Variants in GABRB1 observed in about 807,000 individuals in gnomAD.
GABRB1 encodes the protein gamma-aminobutyric acid receptor subunit beta-1.
Under a neutral mutation model 51.6 loss-of-function variants are expected in GABRB1, and 17 were observed. The ratio of observed to expected loss-of-function variants is 0.33; its 90% CI spans 0.23 to 0.49. GABRB1 has a LOEUF of 0.49. Ranked by LOEUF, GABRB1 falls within the 20% of genes least tolerant of loss-of-function variation. The probability of loss-of-function intolerance (pLI) is 0.99; values close to 1 mark genes in which losing one functional copy is unlikely to be tolerated. For synonymous variants in GABRB1, 247 were observed against 218.9 expected (o/e 1.13, Z -1.14); for missense variants, 410 against 600.6 (o/e 0.68, Z 3.32).
At chr4:47,296,066 T>G (rs947116351) in intron 4 of GABRB1, among the ~76,000 whole-genome samples, 2 of 152,008 alleles carry the variant, frequency 1.3e-5, no homozygotes, top group African/African-American at 4.8e-5. Flanking sequence ...GCTGAGAGAT[T>G]TTGTCACCAC....
intron 3 of GABRB1, among the ~76,000 whole-genome samples, chr4:47,063,902 G>A (rs1015324604): frequency 6.6e-6 from 1 of 152,070 alleles, no homozygotes; most frequent in African/African-American, 2.4e-5. Flanking sequence ...CAGGGCTGGG[G>A]GAGAGCATTA....
intron 1 of GABRB1, among the ~76,000 whole-genome samples, chr4:47,020,505 C>A (rs1478709543): frequency 6.6e-6 from 1 of 152,072 alleles, no homozygotes. Flanking sequence ...ACAATGCAAA[C>A]CTTCCCAAAA....
intron 4 of GABRB1, among the ~76,000 whole-genome samples, chr4:47,258,056 G>A (rs1416696488): frequency 6.6e-6 from 1 of 152,108 alleles, no homozygotes; most frequent in Admixed American, 6.6e-5. Context: ...TAGAGTTCAG[G>A]TTGAGAAGCA....
intron 4 of GABRB1, among the ~76,000 whole-genome samples, chr4:47,243,833 G>A (rs1223232909): frequency 6.6e-6 from 1 of 152,042 alleles, no homozygotes; most frequent in Non-Finnish European, 1.5e-5. Flanking sequence ...CTGCAAACAG[G>A]GACAATTTGA....
At chr4:47,032,907 C>T (rs904964784) in intron 3 of GABRB1, 9 of 363,606 alleles carry the variant, frequency 2.5e-5, no homozygotes, top group Non-Finnish European at 4.4e-5. Context: ...CCATGGCCCT[C>T]GCAGTCCGCG....
At chr4:47,253,312 C>G (rs1264003706) in intron 4 of GABRB1, among the ~76,000 whole-genome samples, 1 of 152,110 alleles carries the variant, frequency 6.6e-6, no homozygotes, top group South Asian at 2.1e-4. Flanking sequence ...TGTGTGAGTC[C>G]GTGAGCTCTA....
intron 4 of GABRB1, among the ~76,000 whole-genome samples, chr4:47,316,535 T>A (rs781703292): frequency 1.4e-4 from 22 of 151,818 alleles, no homozygotes; most frequent in Non-Finnish European, 1.5e-4. Context: ...TTGCAATAAA[T>A]ATGAGAATGT....
At chr4:47,243,571 G>A (rs898500113) in intron 4 of GABRB1, among the ~76,000 whole-genome samples, 1 of 152,180 alleles carries the variant, frequency 6.6e-6, no homozygotes, top group African/African-American at 2.4e-5. Flanking sequence ...GTTGAGCCAT[G>A]GTTGGTAGTT....
chr4:47,158,492 A>C (rs1383864082), intron 3 of GABRB1, among the ~76,000 whole-genome samples: 1 of 152,142 alleles, frequency 6.6e-6, no homozygotes, highest in Non-Finnish European at 1.5e-5. Context: ...CTTTATAGAA[A>C]AGAATTGTGG....
intron 3 of GABRB1, among the ~76,000 whole-genome samples, chr4:47,120,405 G>GC (rs1715724465): frequency 6.6e-6 from 1 of 152,154 alleles, no homozygotes; most frequent in African/African-American, 2.4e-5. Context: ...GTCTAGAAAT[G>GC]CCATCCATGA....
At chr4:47,218,210 A>G (rs950566529) in intron 4 of GABRB1, among the ~76,000 whole-genome samples, 2 of 151,862 alleles carry the variant, frequency 1.3e-5, no homozygotes, top group African/African-American at 2.4e-5. Flanking sequence ...GTGTATATAT[A>G]CCATGTGTTC....
intron 4 of GABRB1, among the ~76,000 whole-genome samples, chr4:47,171,974 G>A (rs978271462): frequency 1.3e-5 from 2 of 152,080 alleles, no homozygotes; most frequent in Non-Finnish European, 2.9e-5. Context: ...ATGTATCAAA[G>A]AGTGTTTCTT....
At chr4:47,298,646 A>G (rs931304143) in intron 4 of GABRB1, among the ~76,000 whole-genome samples, 7 of 152,268 alleles carry the variant, frequency 4.6e-5, no homozygotes, top group African/African-American at 7.2e-5. Flanking sequence ...TCAATATCGT[A>G]AAAATGGCCA....
chr4:47,396,714 G>C (rs890597222), intron 5 of GABRB1, among the ~76,000 whole-genome samples: 1 of 152,110 alleles, frequency 6.6e-6, no homozygotes, highest in Non-Finnish European at 1.5e-5. Context: ...TGGTGAAAGG[G>C]TATATACATT....
At position 47,425,701 on chromosome 4, in the gene GABRB1, A is replaced by G. The variant is rs767031899; in HGVS notation, c.1108A>G (p.Ser370Gly). Residue 370 changes from serine (S) to glycine (G), a missense_variant, in exon 9 of 9, where the codon AGC becomes GGC. By Grantham distance (56) the Ser-to-Gly change is moderately conservative. This residue lies in a region of GABRB1 where 181 missense variants were observed against 195.6 expected (regional missense o/e 0.93). Transcript: ENST00000295454. ...CGACGCCCACGGTAACATTCTCCTC[A>G]GCACCCTGGAAATCCGGAATGAGAC... Reference protein sequence around the residue: ...QVDAHGNILLSTLEIRNETSG... With the variant: ...QVDAHGNILLGTLEIRNETSG... The G allele has an allele frequency of 5.6e-6, 9 of 1,612,526 alleles. No homozygotes were observed. The highest frequency in any genetic ancestry group is 1.6e-4 in the Middle Eastern group (1 of 6,072).
At chr4:47,261,863 G>C (rs1385183208) in intron 4 of GABRB1, among the ~76,000 whole-genome samples, 1 of 152,178 alleles carries the variant, frequency 6.6e-6, no homozygotes, top group East Asian at 1.9e-4. Context: ...CAATGGAAGA[G>C]AACAGAGCCC....
In GABRB1 at chr4:47,324,854, A is replaced by G. The variant is rs561539960; in HGVS notation, c.544+4645A>G. Among the ~76,000 whole-genome samples, 9 of 152,336 alleles carry G rather than the reference A, an allele frequency of 5.9e-5. 1 individual carries two copies. In the South Asian group the frequency reaches 1.9e-3, roughly 32 times the overall value. ...GTCACTTTAATCTCACTATCCGACC[A>G]TAATCCTGGGATTAATTGTTAACAG... On this transcript the variant is annotated intron_variant, in intron 5 of 8. Transcript: ENST00000295454.
At chr4:47,409,115 C>A (rs1488770498) in intron 8 of GABRB1, among the ~76,000 whole-genome samples, 1 of 152,160 alleles carries the variant, frequency 6.6e-6, no homozygotes, top group Non-Finnish European at 1.5e-5. Flanking sequence ...GGTGTGGGAG[C>A]CGGGGCAAGC....
intron 3 of GABRB1, among the ~76,000 whole-genome samples, chr4:47,068,909 A>G (rs964088950): frequency 3.3e-5 from 5 of 152,164 alleles, no homozygotes; most frequent in Non-Finnish European, 7.3e-5. Context: ...AGCACAATAA[A>G]ATGAGGTATG....
Sources: allele counts gnomAD v4.1 joint callset (sites outside exome capture counted in the v4.1 genomes callset), GRCh38; gene constraint gnomAD v4.1.1; regional missense constraint gnomAD v4.1.1; transcripts MANE v1.5; gene names NCBI Gene and HGNC (gene_info 2026-07-23, HGNC 2026-07-21).